CBR4: variants seen among roughly 807,000 people sequenced by gnomAD.
CBR4 encodes 3-oxoacyl-[acyl-carrier-protein] reductase.
In CBR4, 22 loss-of-function variants were observed where a neutral mutation model predicts 21.0. The observed-to-expected ratio is 1.05, with a 90% CI of 0.75 to 1.50. CBR4 has a LOEUF of 1.50. CBR4 is among the 40% of genes most tolerant of loss of function. The pLI, the probability that CBR4 is intolerant of heterozygous loss-of-function variation, is 0.00. For synonymous variants in CBR4, 100 were observed against 104.4 expected, an observed-to-expected ratio of 0.96 and a Z score of 0.26; for missense variants, 302 against 286.3, an observed-to-expected ratio of 1.05 and a Z score of -0.40.
intron 2 of CBR4, among the ~76,000 whole-genome samples, chr4:168,938,604 G>T (rs903890098): frequency 6.6e-6 from 1 of 151,954 alleles, no homozygotes; most frequent in Non-Finnish European, 1.5e-5. Flanking sequence ...TCAAATAAAC[G>T]CAATAAAAAA....
chr4:168,988,315 A>C lies in CBR4; in HGVS notation c.*1835T>G. 1 of 984,846 alleles carries C rather than the reference A, an allele frequency of 1.0e-6. No individual in the cohort carries two copies. The allele number at this position is 984,846 out of a possible 1,614,324, so 61.0% of individuals were successfully genotyped here. On this transcript the variant is annotated 3_prime_UTR_variant, in exon 5 of 5. Coordinates refer to ENST00000306193, the MANE Select transcript of CBR4 (RefSeq NM_032783.5). ...CTTAAAAGGTTATATTTCTTATTTTAAAGTATAAAAACATACACTTAAAGG... is the reference window on the plus strand; with the variant it reads ...CTTAAAAGGTTATATTTCTTATTTTCAAGTATAAAAACATACACTTAAAGG...
chr4:168,973,728 G>A (rs768269948), intron 2 of CBR4, among the ~76,000 whole-genome samples: 16 of 152,202 alleles, frequency 1.1e-4, no homozygotes, highest in Non-Finnish European at 1.8e-4. Flanking sequence ...CTCGCTACTT[G>A]TTATCGGTCT....
At chr4:168,942,946 T>C (rs1454103503) in intron 2 of CBR4, among the ~76,000 whole-genome samples, 2 of 151,978 alleles carry the variant, frequency 1.3e-5, no homozygotes, top group Non-Finnish European at 2.9e-5. Flanking sequence ...AGAATGGCTA[T>C]TAACAAAAAG....
intron 2 of CBR4, among the ~76,000 whole-genome samples, chr4:168,935,804 C>A (rs1763095803): frequency 6.6e-6 from 1 of 152,322 alleles, no homozygotes; most frequent in African/African-American, 2.4e-5. Flanking sequence ...TGAGACACAG[C>A]ACCTGGGGGA....
intron 1 of CBR4, among the ~76,000 whole-genome samples, chr4:169,008,175 A>G (rs769226619): frequency 2.4e-4 from 36 of 152,250 alleles, no homozygotes; most frequent in African/African-American, 4.6e-4. Flanking sequence ...TTGGCCCTGA[A>G]CGGGAACTCT....
chr4:168,903,871 G>C (rs768268615), intron 2 of CBR4: 1 of 1,614,050 alleles, frequency 6.2e-7, no homozygotes, highest in South Asian at 1.1e-5. Flanking sequence ...CCTAGATGAT[G>C]ATGGGAATTA....
chr4:168,939,110 G>A (rs182562707), intron 2 of CBR4, among the ~76,000 whole-genome samples: 76 of 152,262 alleles, frequency 5.0e-4, no homozygotes, highest in African/African-American at 1.7e-3. Flanking sequence ...CGATCAAGTC[G>A]ACTTCATCCA....
intron 2 of CBR4, among the ~76,000 whole-genome samples, chr4:168,948,205 G>A (rs1001990980): frequency 6.6e-6 from 1 of 152,036 alleles, no homozygotes; most frequent in Non-Finnish European, 1.5e-5. Flanking sequence ...CATGTCCTTA[G>A]CCCACTTTTT....
downstream of CBR4, among the ~76,000 whole-genome samples, chr4:168,986,544 T>C (rs113732988): frequency 9.6e-4 from 146 of 152,326 alleles, 1 homozygote; most frequent in African/African-American, 3.4e-3. Flanking sequence ...GAGTTCGGTT[T>C]TTTGTTGTTT....
At chr4:168,939,675 A>C (rs904856051) in intron 2 of CBR4, among the ~76,000 whole-genome samples, 1 of 152,128 alleles carries the variant, frequency 6.6e-6, no homozygotes, top group African/African-American at 2.4e-5. Context: ...ACGTGAGTGA[A>C]CTCCCATTTG....
chr4:168,992,830 C>A (rs1201993017), intron 4 of CBR4, among the ~76,000 whole-genome samples: 1 of 152,066 alleles, frequency 6.6e-6, no homozygotes, highest in Non-Finnish European at 1.5e-5. Flanking sequence ...CACAGTACTA[C>A]CTTCAGATAG....
At chr4:168,961,075 A>C (rs576525226) in intron 2 of CBR4, among the ~76,000 whole-genome samples, 1 of 152,344 alleles carries the variant, frequency 6.6e-6, no homozygotes, top group East Asian at 1.9e-4. Flanking sequence ...TATGGGTACT[A>C]GGTAACAGCA....
intron 4 of CBR4, among the ~76,000 whole-genome samples, chr4:168,997,711 T>C (rs1287110171): frequency 6.6e-6 from 1 of 152,206 alleles, no homozygotes; most frequent in Non-Finnish European, 1.5e-5. Context: ...ATTTTAGTTT[T>C]CAACATTTTT....
At chr4:168,968,435 G>A (rs1378918399) in intron 2 of CBR4, among the ~76,000 whole-genome samples, 1 of 152,162 alleles carries the variant, frequency 6.6e-6, no homozygotes, top group Non-Finnish European at 1.5e-5. Context: ...CAGCCCTAGG[G>A]CACAACCATA....
intron 4 of CBR4, among the ~76,000 whole-genome samples, chr4:168,993,536 CAG>C (rs1378039220): frequency 6.6e-6 from 1 of 152,136 alleles, no homozygotes; most frequent in Non-Finnish European, 1.5e-5. Flanking sequence ...AAAAGTGCCT[CAG>C]AGAGTATCCT....
intron 2 of CBR4, among the ~76,000 whole-genome samples, chr4:168,958,799 A>C (rs1219208046): frequency 6.6e-6 from 1 of 152,172 alleles, no homozygotes; most frequent in Non-Finnish European, 1.5e-5. Context: ...TGGTGACTAA[A>C]GCTACTGAGC....
Position 169,010,190 on chromosome 4 carries a change from G to C in CBR4, c.-101C>G. Reference sequence around the variant, plus strand: ...ACCGCGGTTCCAAAAAAAAAAAAAAGAAAAAAAAAGGCAAACCGCAAAAAA... The same window carrying C: ...ACCGCGGTTCCAAAAAAAAAAAAAACAAAAAAAAAGGCAAACCGCAAAAAA... On this transcript the variant is annotated 5_prime_UTR_variant, in exon 1 of 5. Transcript: ENST00000306193. The C allele has an allele frequency of 5.1e-4, 318 of 623,100 alleles. No homozygotes were observed. The highest frequency in any genetic ancestry group is 1.0e-3 in the Middle Eastern group (2 of 2,004). The allele number at this position is 623,100 out of a possible 1,614,324, so 38.6% of individuals were successfully genotyped here.
intron 2 of CBR4, chr4:168,925,124 A>G (rs1329866324): frequency 5.6e-6 from 9 of 1,608,628 alleles, no homozygotes; most frequent in Non-Finnish European, 7.7e-6. Flanking sequence ...TCATTAAATT[A>G]TGAAAAATTA....
downstream of CBR4, among the ~76,000 whole-genome samples, chr4:168,983,385 C>T (rs1447643936): frequency 6.6e-6 from 1 of 151,080 alleles, no homozygotes; most frequent in East Asian, 1.9e-4. Flanking sequence ...ACACCCCGAA[C>T]AGACAAATAA....
Sources: gnomAD v4.1 joint callset for allele counts (sites outside exome capture counted in the v4.1 genomes callset) on GRCh38, gnomAD v4.1.1 for gene constraint, MANE v1.5 for transcripts, NCBI Gene and HGNC (gene_info 2026-07-23, HGNC 2026-07-21) for gene names.